The following ZNF423 variants were observed in gnomAD, a reference collection of about 807,000 sequenced individuals.
The protein encoded by ZNF423 is Ebf-associated zinc finger protein.
A neutral mutation model predicts 95.8 loss-of-function variants in ZNF423; 12 were observed. The ratio of observed to expected loss-of-function variants is 0.13; its 90% CI spans 0.08 to 0.20. The LOEUF (loss-of-function observed/expected upper bound fraction) is 0.20, where lower values mean the gene tolerates loss of function less well. Ranked by LOEUF, ZNF423 falls within the 10% of genes least tolerant of loss-of-function variation. The probability of loss-of-function intolerance (pLI) is 1.00; values close to 1 mark genes in which losing one functional copy is unlikely to be tolerated. For missense variants in ZNF423, 1,316 were observed against 1,737.1 expected (o/e 0.76, Z 4.31); for synonymous variants, 749 against 711.9 (o/e 1.05, Z -0.83).
intron 3 of ZNF423, among the ~76,000 whole-genome samples, chr16:49,688,565 CTA>C (rs996027793): frequency 2.0e-5 from 3 of 152,154 alleles, no homozygotes; most frequent in Non-Finnish European, 2.9e-5. Flanking sequence ...TTGGGAGACT[CTA>C]TGTATATTTT....
intron 5 of ZNF423, among the ~76,000 whole-genome samples, chr16:49,592,845 T>C (rs1378028212): frequency 6.6e-6 from 1 of 152,210 alleles, no homozygotes; most frequent in Non-Finnish European, 1.5e-5. Context: ...TTCTAACAGA[T>C]CAGTCTTCAC....
chr16:49,766,962 C>A (rs1281820371), intron 2 of ZNF423, among the ~76,000 whole-genome samples: 1 of 151,056 alleles, frequency 6.6e-6, no homozygotes, highest in African/African-American at 2.4e-5. Flanking sequence ...CTTTTTTTTT[C>A]TTTTCTTTCT....
chr16:49,753,074 T>A (rs2033660762), intron 2 of ZNF423, among the ~76,000 whole-genome samples: 1 of 151,974 alleles, frequency 6.6e-6, no homozygotes, highest in Non-Finnish European at 1.5e-5. Context: ...TGAAGCCCCA[T>A]CTCTACTAAA....
At chr16:49,786,837 T>C (rs184378590) in intron 2 of ZNF423, among the ~76,000 whole-genome samples, 305 of 152,358 alleles carry the variant, frequency 2.0e-3, no homozygotes, top group African/African-American at 7.1e-3. Context: ...CTGGGAGGTT[T>C]TGCTCCCCCA....
intron 1 of ZNF423, among the ~76,000 whole-genome samples, chr16:49,827,207 C>G (rs895117008): frequency 5.2e-4 from 79 of 152,148 alleles, no homozygotes; most frequent in Non-Finnish European, 9.7e-4. Context: ...CCACTTCTCC[C>G]GATCACCTGC....
At chr16:49,596,197 C>T (rs1432181435) in intron 5 of ZNF423, among the ~76,000 whole-genome samples, 2 of 152,150 alleles carry the variant, frequency 1.3e-5, no homozygotes, top group Admixed American at 6.5e-5. Context: ...TTCTTCATCT[C>T]GCACAAAGCC....
At chr16:49,544,987 C>T (rs888862893) in intron 5 of ZNF423, among the ~76,000 whole-genome samples, 2 of 152,238 alleles carry the variant, frequency 1.3e-5, no homozygotes, top group African/African-American at 4.8e-5. Flanking sequence ...CAGTCACTTG[C>T]TCATCACAGT....
chr16:49,572,894 C>T (rs1970394544), intron 5 of ZNF423, among the ~76,000 whole-genome samples: 1 of 152,182 alleles, frequency 6.6e-6, no homozygotes, highest in African/African-American at 2.4e-5. Flanking sequence ...TCTTACAGAA[C>T]TCATGTGACC....
chr16:49,635,553 T>G lies in ZNF423; in HGVS notation c.3516+107A>C. 6.3e-6 allele frequency: 9 copies of G among 1,428,174 alleles called. No individual in the cohort carries two copies. The highest frequency in any genetic ancestry group is 8.4e-6 in the Non-Finnish European group (9 of 1,074,024). 88.5% of individuals were successfully genotyped at this position (1,428,174 alleles called of 1,614,324 possible). A position where few individuals can be genotyped will look rare whatever the true frequency, so the allele number is the denominator to read the frequency against. On this transcript the variant is annotated intron_variant, in intron 4 of 7. Coordinates refer to ENST00000563137, the MANE Select transcript of ZNF423 (RefSeq NM_001379286.1). This position sits in a 1 kb window ranked among gnomAD's most constrained non-coding sequence, Gnocchi z 4.8. ...GCAGTTCTGTTTTGCCACTGCGCGA[T>G]AGCGCCGCTTCTTGGAAACACGGCA...
Position 49,633,239 on chromosome 16 carries a change from G to A in ZNF423, c.3516+2421C>T, listed in dbSNP as rs1399459618. ...ATATTGTAAGGATTAAATAGAAAGT[G>A]CTTGGCAAGTCCTTACTCCTCAATG... On this transcript the variant is annotated intron_variant, in intron 4 of 7. Coordinates refer to ENST00000563137, the MANE Select transcript of ZNF423 (RefSeq NM_001379286.1). Among the ~76,000 whole-genome samples the A allele has an allele frequency of 2.0e-5, 3 of 152,242 alleles. No homozygotes were observed. In the East Asian group the frequency reaches 5.8e-4, roughly 29 times the overall value.
At chr16:49,616,027 A>G in intron 5 of ZNF423, among the ~76,000 whole-genome samples, 1 of 152,164 alleles carries the variant, frequency 6.6e-6, no homozygotes, top group Non-Finnish European at 1.5e-5. Flanking sequence ...ATTGGACACA[A>G]TCAGGAGCTC....
intron 3 of ZNF423, among the ~76,000 whole-genome samples, chr16:49,719,772 A>G (rs2032812027): frequency 6.6e-6 from 1 of 152,238 alleles, no homozygotes; most frequent in African/African-American, 2.4e-5. Flanking sequence ...CAGCCTGAGG[A>G]AATGCAAGTC....
chr16:49,851,070 C>T (rs1471069493), intron 1 of ZNF423, among the ~76,000 whole-genome samples: 1 of 152,224 alleles, frequency 6.6e-6, no homozygotes, highest in Non-Finnish European at 1.5e-5. Context: ...CCACAAAGTC[C>T]AGTCACTCAA....
intron 2 of ZNF423, among the ~76,000 whole-genome samples, chr16:49,744,419 G>A (rs539584200): frequency 7.9e-5 from 12 of 151,466 alleles, no homozygotes; most frequent in South Asian, 2.1e-4. Context: ...GAGCACACAC[G>A]TGGCCAGGTG....
chr16:49,604,854 C>T (rs1030284478), intron 5 of ZNF423, among the ~76,000 whole-genome samples: 148 of 152,242 alleles, frequency 9.7e-4, no homozygotes, highest in African/African-American at 3.2e-3. Flanking sequence ...TGATGAAAGC[C>T]GGACACTGTC....
rs532889792 is a variant in ZNF423 at position 49,693,806 on chromosome 16, C to T, written c.301+36965G>A. On this transcript the variant is annotated intron_variant, in intron 3 of 7. Coordinates refer to ENST00000563137, the MANE Select transcript of ZNF423 (RefSeq NM_001379286.1). ...TGGCAGAGAATGAAGCCAACAAAAA[C>T]GAAAGCAGAGACAAGAACACTAGAG... 1.5e-4 allele frequency among the ~76,000 whole-genome samples: 23 copies of T among 152,308 alleles called. No individual in the cohort carries two copies. In the East Asian group the frequency reaches 1.5e-3, roughly 10 times the overall value.
At chr16:49,657,980 C>T (rs1012419836) in intron 3 of ZNF423, among the ~76,000 whole-genome samples, 1 of 152,202 alleles carries the variant, frequency 6.6e-6, no homozygotes, top group Non-Finnish European at 1.5e-5. Context: ...TATTACTCAA[C>T]CTTGTCCTTT....
At chr16:49,795,025 C>T (rs570788799) in intron 1 of ZNF423, among the ~76,000 whole-genome samples, 1 of 152,280 alleles carries the variant, frequency 6.6e-6, no homozygotes, top group African/African-American at 2.4e-5. Context: ...GCGCTTATCA[C>T]CATGCCCGGC....
chr16:49,700,194 T>TA (rs2032123054), intron 3 of ZNF423, among the ~76,000 whole-genome samples: 3 of 23,380 alleles, frequency 1.3e-4, no homozygotes, highest in African/African-American at 5.1e-4. Context: ...GCCCAGGATT[T>TA]CAAAAAAAAA....
Sources: allele counts gnomAD v4.1 joint callset (sites outside exome capture counted in the v4.1 genomes callset), GRCh38; gene constraint gnomAD v4.1.1; non-coding constraint Gnocchi (gnomAD v3.1); transcripts MANE v1.5; gene names NCBI Gene and HGNC (gene_info 2026-07-23, HGNC 2026-07-21).